GALNT7: variants seen among roughly 807,000 people sequenced by gnomAD.
GALNT7 encodes polypeptide N-acetylgalactosaminyltransferase 7.
Under a neutral mutation model 82.1 loss-of-function variants are expected in GALNT7, and 60 were observed. That is an observed-to-expected ratio of 0.73 (90% CI 0.59 to 0.91). The LOEUF (loss-of-function observed/expected upper bound fraction) is 0.91, where lower values mean the gene tolerates loss of function less well. Among genes scored for constraint, GALNT7 ranks in the 40% least tolerant of loss-of-function variants. The pLI, the probability that GALNT7 is intolerant of heterozygous loss-of-function variation, is 0.00. For missense variants in GALNT7, 660 were observed against 804.2 expected (o/e 0.82, Z 2.17); for synonymous variants, 243 against 275.1 (o/e 0.88, Z 1.15).
intron 5 of GALNT7, 132 bp downstream of exon 5, chr4:173,295,975 A>G (rs760828246): frequency 2.4e-5 from 16 of 658,758 alleles, no homozygotes; most frequent in Non-Finnish European, 4.2e-5. Context: ...TCCCTCATCT[A>G]TTTGTTTCCT....
rs59605362 is a variant in GALNT7 at position 173,270,116 on chromosome 4, C to A, written c.587+21676C>A. Among the ~76,000 whole-genome samples, 1,283 of 152,182 alleles carry A rather than the reference C, an allele frequency of 8.4e-3. 17 individuals carry two copies. Among genetic ancestry groups the A allele is most frequent in the African/African-American group, 0.029 (1,213 of 41,504 alleles). On this transcript the variant is annotated intron_variant, in intron 2 of 11. Transcript: ENST00000265000. ...TTTTAACCATTCTGCAGAAGTATAG[C>A]GCAATTATTATTGGCAATATGTGAA... is the stretch of plus-strand genomic sequence containing the variant.
chr4:173,316,204 C>G (rs1680695878), intron 9 of GALNT7: 1 of 152,530 alleles, frequency 6.6e-6, no homozygotes, highest in Non-Finnish European at 1.5e-5. Flanking sequence ...CCACTCCACT[C>G]CAGCCCCATG....
chr4:173,214,373 A>C (rs1217230404), intron 1 of GALNT7, among the ~76,000 whole-genome samples: 1 of 151,818 alleles, frequency 6.6e-6, no homozygotes, highest in Non-Finnish European at 1.5e-5. Context: ...CTTTATTTTG[A>C]GGAGTCATTA....
At chr4:173,173,989 A>G (rs1731957713) in intron 1 of GALNT7, among the ~76,000 whole-genome samples, 1 of 152,202 alleles carries the variant, frequency 6.6e-6, no homozygotes, top group Non-Finnish European at 1.5e-5. Context: ...GCCCTTGAAC[A>G]TGAGATTGTA....
At chr4:173,258,372 T>C (rs1735122099) in intron 2 of GALNT7, among the ~76,000 whole-genome samples, 1 of 152,216 alleles carries the variant, frequency 6.6e-6, no homozygotes, top group South Asian at 2.1e-4. Flanking sequence ...TCAGCCCTAG[T>C]GTACTTATTT....
intron 2 of GALNT7, among the ~76,000 whole-genome samples, chr4:173,257,663 G>A (rs1735094629): frequency 6.6e-6 from 1 of 152,126 alleles, no homozygotes; most frequent in Admixed American, 6.6e-5. Context: ...TCAAAATGTA[G>A]CTATTGTATA....
At chr4:173,264,878 G>A (rs548016874) in intron 2 of GALNT7, among the ~76,000 whole-genome samples, 1 of 152,224 alleles carries the variant, frequency 6.6e-6, no homozygotes, top group Non-Finnish European at 1.5e-5. Context: ...CATCCTGGAG[G>A]GGGGAGTGGC....
chr4:173,311,376 A>C (rs774872285), intron 8 of GALNT7, among the ~76,000 whole-genome samples: 54 of 152,278 alleles, frequency 3.5e-4, no homozygotes, highest in Non-Finnish European at 5.6e-4. Flanking sequence ...CTGTTTTCAC[A>C]CTGCTATAAA....
At chr4:173,266,315 G>A (rs1449259361) in intron 2 of GALNT7, among the ~76,000 whole-genome samples, 2 of 152,116 alleles carry the variant, frequency 1.3e-5, no homozygotes, top group Admixed American at 6.6e-5. Flanking sequence ...GGGGCCAGAG[G>A]GGTTCCTTGG....
intron 5 of GALNT7, 82 bp from the exon 6 acceptor site, chr4:173,298,033 T>C: frequency 1.9e-6 from 3 of 1,554,436 alleles, no homozygotes; most frequent in Non-Finnish European, 2.6e-6. Context: ...TTCTTTTTTT[T>C]TTCTTCCCCA....
At chr4:173,248,551 A>C in intron 2 of GALNT7, 111 bp downstream of exon 2, 2 of 692,204 alleles carry the variant, frequency 2.9e-6, no homozygotes, top group Non-Finnish European at 4.8e-6. Flanking sequence ...CCTTTATTTC[A>C]AGGAAATAAG....
At chr4:173,178,052 T>TGCGCGCGC (rs60869480) in intron 1 of GALNT7, among the ~76,000 whole-genome samples, 3,367 of 129,264 alleles carry the variant, frequency 0.026, 90 homozygotes, top group East Asian at 0.079. Context: ...TGTGTGTGTG[T>TGCGCGCGC]GCGCGCACGC....
intron 2 of GALNT7, among the ~76,000 whole-genome samples, chr4:173,254,666 C>T (rs1200700278): frequency 6.6e-6 from 1 of 152,170 alleles, no homozygotes; most frequent in African/African-American, 2.4e-5. Context: ...TGTGGTGGTT[C>T]TATGTGACCA....
In GALNT7 at chr4:173,320,150, C is replaced by T. The variant is rs910682722; in HGVS notation, c.1837-1430C>T. ...ACTTTTAGGAAAATAATTCTGGAAA[C>T]GTGAGGTATGGACTGATGAAGCAAC... On this transcript the variant is annotated intron_variant, in intron 11 of 11. Transcript: ENST00000265000. This position sits in a 1 kb window ranked among gnomAD's most constrained non-coding sequence, Gnocchi z 4.1. Among the ~76,000 whole-genome samples, 8 of 151,928 alleles carry T rather than the reference C, an allele frequency of 5.3e-5. No individual in the cohort carries two copies. Among genetic ancestry groups the T allele is most frequent in the African/African-American group, 1.5e-4 (6 of 41,368 alleles).
intron 1 of GALNT7, among the ~76,000 whole-genome samples, chr4:173,183,043 AACACACACACACACAC>A (rs35043722): frequency 0.012 from 1,527 of 125,082 alleles, 13 homozygotes; most frequent in South Asian, 0.027. Context: ...CACACACATA[AACACACACACACACAC>A]ACACACACAC....
At chr4:173,236,893 T>G (rs918562288) in intron 1 of GALNT7, among the ~76,000 whole-genome samples, 4 of 152,250 alleles carry the variant, frequency 2.6e-5, no homozygotes, top group African/African-American at 4.8e-5. Context: ...TTCTTTTATC[T>G]TTTAATGATG....
At chr4:173,290,941 C>T (rs1031761457) in intron 2 of GALNT7, among the ~76,000 whole-genome samples, 2 of 152,104 alleles carry the variant, frequency 1.3e-5, no homozygotes, top group Non-Finnish European at 2.9e-5. Flanking sequence ...GCAAAGGTGC[C>T]CCTCACCACC....
intron 2 of GALNT7, among the ~76,000 whole-genome samples, chr4:173,276,154 G>A (rs1391836292): frequency 6.6e-6 from 1 of 152,130 alleles, no homozygotes; most frequent in East Asian, 1.9e-4. Flanking sequence ...TGAGGACAGT[G>A]GGTAATGTTC....
At chr4:173,203,350 C>G (rs1733000271) in intron 1 of GALNT7, among the ~76,000 whole-genome samples, 1 of 152,236 alleles carries the variant, frequency 6.6e-6, no homozygotes, top group South Asian at 2.1e-4. Context: ...CTCGGCCTCC[C>G]AAAGTGCCGG....
Sources: allele counts gnomAD v4.1 joint callset (sites outside exome capture counted in the v4.1 genomes callset), GRCh38; gene constraint gnomAD v4.1.1; non-coding constraint Gnocchi (gnomAD v3.1); transcripts MANE v1.5; gene names NCBI Gene and HGNC (gene_info 2026-07-23, HGNC 2026-07-21).